The following DNAH7 variants were observed in gnomAD, a reference collection of about 807,000 sequenced individuals.
DNAH7 encodes dynein axonemal heavy chain 7.
Under a neutral mutation model 444.6 loss-of-function variants are expected in DNAH7, and 397 were observed. The ratio of observed to expected loss-of-function variants is 0.89; its 90% CI spans 0.82 to 0.97. The LOEUF (loss-of-function observed/expected upper bound fraction) is 0.97, where lower values mean the gene tolerates loss of function less well. DNAH7 is among the 50% of genes least tolerant of loss of function. The pLI, the probability that DNAH7 is intolerant of heterozygous loss-of-function variation, is 0.00. For synonymous variants in DNAH7, 1,636 were observed against 1,624.4 expected, an observed-to-expected ratio of 1.01 and a Z score of -0.17; for missense variants, 4,902 against 4,800.8, an observed-to-expected ratio of 1.02 and a Z score of -0.62.
intron 33 of DNAH7, among the ~76,000 whole-genome samples, chr2:195,886,477 G>A (rs1009551141): frequency 3.3e-5 from 5 of 152,052 alleles, no homozygotes; most frequent in African/African-American, 1.2e-4. Context: ...TTAACCTTTC[G>A]CATCGATTCT....
intron 46 of DNAH7, among the ~76,000 whole-genome samples, chr2:195,849,598 T>C (rs1049553588): frequency 6.6e-6 from 1 of 152,162 alleles, no homozygotes; most frequent in Non-Finnish European, 1.5e-5. Context: ...TTATTTTTAA[T>C]TTTTTAATTA....
intron 51 of DNAH7, 45 bp from the exon 52 acceptor site, chr2:195,809,916 T>TA: frequency 7.1e-7 from 1 of 1,405,372 alleles, no homozygotes; most frequent in Non-Finnish European, 9.4e-7. Flanking sequence ...AAATATACTT[T>TA]AAAGATAATG....
chr2:196,059,703 C>T (rs142579446), intron 1 of DNAH7, among the ~76,000 whole-genome samples: 1 of 152,322 alleles, frequency 6.6e-6, no homozygotes, highest in African/African-American at 2.4e-5. Context: ...GTTTCACTTA[C>T]ATCACAGAGG....
At chr2:195,783,457 T>C (rs1448958926) in intron 58 of DNAH7, among the ~76,000 whole-genome samples, 5 of 152,212 alleles carry the variant, frequency 3.3e-5, no homozygotes, top group Non-Finnish European at 7.3e-5. Context: ...GCTCCAGGTG[T>C]TCCTTGGCTT....
chr2:196,055,682 T>A (rs572429679), intron 2 of DNAH7, among the ~76,000 whole-genome samples: 1 of 152,324 alleles, frequency 6.6e-6, no homozygotes, highest in Admixed American at 6.5e-5. Flanking sequence ...CAGTTATAGA[T>A]GACAGAGAGG....
At chr2:195,943,523 G>A (rs745677122) in intron 19 of DNAH7, among the ~76,000 whole-genome samples, 1 of 152,094 alleles carries the variant, frequency 6.6e-6, no homozygotes, top group Non-Finnish European at 1.5e-5. Flanking sequence ...TTGAAAGAGG[G>A]CCAATGTAAT....
At chr2:195,766,694 ATTGT>A (rs1290662058) in intron 61 of DNAH7, among the ~76,000 whole-genome samples, 8 of 152,206 alleles carry the variant, frequency 5.3e-5, no homozygotes, top group African/African-American at 1.9e-4. Context: ...AGAATAATTC[ATTGT>A]TTGTAACACA....
intron 5 of DNAH7, among the ~76,000 whole-genome samples, chr2:196,029,381 A>AGGGT (rs565990716): frequency 2.1e-4 from 32 of 152,126 alleles, no homozygotes; most frequent in Non-Finnish European, 4.1e-4. Flanking sequence ...CATCAGGGCA[A>AGGGT]GGGTGGGTGA....
chr2:195,813,379 C>T (rs1261964453), intron 51 of DNAH7, among the ~76,000 whole-genome samples: 3 of 152,072 alleles, frequency 2.0e-5, no homozygotes, highest in Non-Finnish European at 4.4e-5. Context: ...CTAGTCAGAC[C>T]TTTGTCAGTT....
chr2:196,039,511 C>A (rs1418385397), intron 5 of DNAH7, among the ~76,000 whole-genome samples: 2 of 151,846 alleles, frequency 1.3e-5, no homozygotes, highest in Admixed American at 6.6e-5. Flanking sequence ...AAATAAGAGA[C>A]CAAAATCCAG....
intron 15 of DNAH7, among the ~76,000 whole-genome samples, chr2:195,978,815 T>A (rs188053669): frequency 1.3e-5 from 2 of 152,214 alleles, no homozygotes. Context: ...ATAAAAGCTA[T>A]TAAGAGACAA....
intron 12 of DNAH7, among the ~76,000 whole-genome samples, chr2:195,992,847 G>A (rs1693438315): frequency 6.6e-6 from 1 of 152,188 alleles, no homozygotes; most frequent in Non-Finnish European, 1.5e-5. Context: ...GAAATGCCCT[G>A]GCATTCTTCT....
At chr2:195,853,320 A>C in intron 46 of DNAH7, 23 bp downstream of exon 46, 2 of 1,597,792 alleles carry the variant, frequency 1.3e-6, no homozygotes, top group Non-Finnish European at 1.7e-6. Context: ...AGGGTCAGGA[A>C]GAGATGGAAT....
At chr2:195,867,745 T>C (rs890097544) in intron 40 of DNAH7, among the ~76,000 whole-genome samples, 3 of 152,212 alleles carry the variant, frequency 2.0e-5, no homozygotes, top group Admixed American at 6.5e-5. Context: ...TTCATCTATG[T>C]TGTAGGATAT....
intron 46 of DNAH7, among the ~76,000 whole-genome samples, chr2:195,850,799 A>G (rs1415598480): frequency 6.6e-6 from 1 of 152,134 alleles, no homozygotes; most frequent in Non-Finnish European, 1.5e-5. Flanking sequence ...TGCAGGGGGA[A>G]GCAGGACAAG....
Position 195,922,999 on chromosome 2 carries a change from C to A in DNAH7, c.3825+596G>T, listed in dbSNP as rs1339478172. Among the ~76,000 whole-genome samples the A allele has an allele frequency of 2.0e-5, 3 of 152,030 alleles. No individual in the cohort carries two copies. In the South Asian group the frequency reaches 6.2e-4, roughly 32 times the overall value. The stretch of plus-strand genomic sequence containing the variant: ...CACCTCAGTCCTCAAGTAGCTGGGG[C>A]TACAAGCACGCCCCACCATGTGCCC... On this transcript the variant is annotated intron_variant, in intron 23 of 64. Coordinates refer to ENST00000312428, the MANE Select transcript of DNAH7 (RefSeq NM_018897.3).
intron 21 of DNAH7, among the ~76,000 whole-genome samples, chr2:195,932,458 T>C (rs1488567900): frequency 6.6e-6 from 1 of 152,126 alleles, no homozygotes; most frequent in Non-Finnish European, 1.5e-5. Context: ...CTATGTTGAA[T>C]AGGAGTGGTG....
intron 5 of DNAH7, among the ~76,000 whole-genome samples, chr2:196,034,719 A>G (rs1696275177): frequency 6.6e-6 from 1 of 152,238 alleles, no homozygotes; most frequent in African/African-American, 2.4e-5. Context: ...CCCCTCGTAT[A>G]TGGTGAAATT....
chr2:195,787,546 C>T (rs563420851), intron 57 of DNAH7, among the ~76,000 whole-genome samples: 32 of 152,154 alleles, frequency 2.1e-4, no homozygotes, highest in African/African-American at 6.7e-4. Context: ...GGAGATAATT[C>T]GAACCGATTA....
Sources: gnomAD v4.1 joint callset for allele counts (sites outside exome capture counted in the v4.1 genomes callset) on GRCh38, gnomAD v4.1.1 for gene constraint, MANE v1.5 for transcripts, NCBI Gene and HGNC (gene_info 2026-07-23, HGNC 2026-07-21) for gene names.